INSYN2B: variants seen among roughly 807,000 people sequenced by gnomAD.
The protein encoded by INSYN2B is inhibitory synaptic factor family member 2B.
INSYN2B carries 16 observed loss-of-function variants against 41.2 expected under a neutral mutation model. That is an observed-to-expected ratio of 0.39 (90% CI 0.26 to 0.59). The LOEUF (loss-of-function observed/expected upper bound fraction) is 0.59, where lower values mean the gene tolerates loss of function less well. Ranked by LOEUF, INSYN2B falls within the 20% of genes least tolerant of loss-of-function variation. The probability of loss-of-function intolerance (pLI) is 0.57; values close to 1 mark genes in which losing one functional copy is unlikely to be tolerated. For missense variants in INSYN2B, 608 were observed against 646.4 expected (o/e 0.94, Z 0.64); for synonymous variants, 245 against 244.4 (o/e 1.00, Z -0.02).
intron 1 of INSYN2B, among the ~76,000 whole-genome samples, chr5:169,930,811 C>A (rs889122282): frequency 6.6e-6 from 1 of 152,152 alleles, no homozygotes; most frequent in Non-Finnish European, 1.5e-5. Context: ...CTCTTGGTTT[C>A]TTTTCTTATG....
intron 1 of INSYN2B, among the ~76,000 whole-genome samples, chr5:169,885,584 A>G (rs867097282): frequency 1.3e-5 from 2 of 152,220 alleles, no homozygotes; most frequent in Non-Finnish European, 2.9e-5. Flanking sequence ...CAACTACCTC[A>G]TAATAATAAT....
intron 1 of INSYN2B, among the ~76,000 whole-genome samples, chr5:169,886,470 C>T (rs1021472798): frequency 2.0e-4 from 30 of 152,312 alleles, no homozygotes; most frequent in African/African-American, 7.2e-4. Flanking sequence ...CTGCATCTTC[C>T]TCCTCAGATA....
chr5:169,963,699 G>C (rs769307913), intron 1 of INSYN2B, among the ~76,000 whole-genome samples: 3 of 151,944 alleles, frequency 2.0e-5, no homozygotes, highest in Non-Finnish European at 2.9e-5. Context: ...CCCTTTCTTT[G>C]CCTCAGTTTC....
At chr5:169,974,129 C>T (rs2113770274) in intron 1 of INSYN2B, among the ~76,000 whole-genome samples, 1 of 152,212 alleles carries the variant, frequency 6.6e-6, no homozygotes, top group East Asian at 1.9e-4. Context: ...TAAATGAAAG[C>T]ATTCTGAAGT....
At chr5:169,914,282 A>G (rs1012656247) in intron 1 of INSYN2B, among the ~76,000 whole-genome samples, 1 of 152,146 alleles carries the variant, frequency 6.6e-6, no homozygotes, top group African/African-American at 2.4e-5. Flanking sequence ...ACCTTACCCC[A>G]TTCTTTCTGA....
At chr5:169,924,976 G>T (rs1158295465) in intron 1 of INSYN2B, among the ~76,000 whole-genome samples, 1 of 152,126 alleles carries the variant, frequency 6.6e-6, no homozygotes, top group Non-Finnish European at 1.5e-5. Flanking sequence ...TTCCAATCTT[G>T]TCAACCAGTT....
chr5:169,950,404 C>T (rs1776612077), intron 1 of INSYN2B, among the ~76,000 whole-genome samples: 1 of 152,228 alleles, frequency 6.6e-6, no homozygotes, highest in African/African-American at 2.4e-5. Flanking sequence ...CTCAGCATAA[C>T]AGTCTTTTTG....
chr5:169,880,146 G>A (rs984204237), intron 3 of INSYN2B, among the ~76,000 whole-genome samples: 2 of 152,142 alleles, frequency 1.3e-5, no homozygotes, highest in Admixed American at 1.3e-4. Context: ...GGGCTCTTCC[G>A]GGGCCCTCTT....
chr5:169,897,890 C>T (rs1425761246), intron 1 of INSYN2B, among the ~76,000 whole-genome samples: 1 of 152,198 alleles, frequency 6.6e-6, no homozygotes, highest in East Asian at 1.9e-4. Context: ...GCTTTCCTCC[C>T]TTGAACGCAG....
chr5:169,864,047 C>A lies in INSYN2B; in HGVS notation c.*226G>T, dbSNP rs1357860831. 6.6e-6 allele frequency among the ~76,000 whole-genome samples: 1 copy of A among 152,134 alleles called. No individual in the cohort carries two copies. Among genetic ancestry groups the A allele is most frequent in the Non-Finnish European group, 1.5e-5 (1 of 68,024 alleles). ...ACAGGGAACTTGGCAAGCGGTCACT[C>A]TAGTGTCCGTGAAGCCCTCAGCAAG... On this transcript the variant is annotated 3_prime_UTR_variant, in exon 4 of 4. Transcript: ENST00000377365.
chr5:169,898,349 G>C (rs772412177), intron 1 of INSYN2B, among the ~76,000 whole-genome samples: 3 of 152,174 alleles, frequency 2.0e-5, no homozygotes, highest in Non-Finnish European at 4.4e-5. Flanking sequence ...ACAGCAGCCA[G>C]GTGTACTGTA....
intron 1 of INSYN2B, among the ~76,000 whole-genome samples, chr5:169,914,747 G>A (rs1774783835): frequency 6.6e-6 from 1 of 152,188 alleles, no homozygotes; most frequent in Non-Finnish European, 1.5e-5. Flanking sequence ...TGGTGGGGCA[G>A]GGTCTTTTAG....
rs1269087609 is a variant in INSYN2B, at chr5:169,862,220, G to A, written c.*2053C>T. Among the ~76,000 whole-genome samples the A allele has an allele frequency of 6.6e-6, 1 of 152,220 alleles. No homozygotes were observed. The highest frequency in any genetic ancestry group is 1.5e-5 in the Non-Finnish European group (1 of 68,040). On this transcript the variant is annotated 3_prime_UTR_variant, in exon 4 of 4. Transcript: ENST00000377365. ...ATGTTCTTATCTGTATTCAAGAATG[G>A]ACAAACAGGCCGGGAAATTTAAGCC... is the stretch of plus-strand genomic sequence containing the variant.
chr5:169,937,690 A>G (rs960458432), intron 1 of INSYN2B, among the ~76,000 whole-genome samples: 1 of 152,204 alleles, frequency 6.6e-6, no homozygotes, highest in Non-Finnish European at 1.5e-5. Flanking sequence ...TATTTTGTCT[A>G]TTCTTCTAAA....
At chr5:169,905,794 CT>C (rs1352408301) in intron 1 of INSYN2B, among the ~76,000 whole-genome samples, 4 of 152,178 alleles carry the variant, frequency 2.6e-5, no homozygotes, top group Admixed American at 6.5e-5. Flanking sequence ...GTCCTCTGTC[CT>C]TTTTGGACTT....
chr5:169,962,747 A>G (rs758870281), intron 1 of INSYN2B, among the ~76,000 whole-genome samples: 13 of 152,218 alleles, frequency 8.5e-5, no homozygotes, highest in Admixed American at 6.5e-5. Flanking sequence ...GAAATAGGGC[A>G]TACCATAGGA....
intron 1 of INSYN2B, among the ~76,000 whole-genome samples, chr5:169,926,606 G>A (rs766042759): frequency 3.3e-5 from 5 of 152,184 alleles, no homozygotes; most frequent in Admixed American, 6.5e-5. Context: ...GGACAGAATA[G>A]GGTTTAAGCA....
chr5:169,947,655 C>A (rs1344740581), intron 1 of INSYN2B, among the ~76,000 whole-genome samples: 1 of 152,138 alleles, frequency 6.6e-6, no homozygotes, highest in Non-Finnish European at 1.5e-5. Flanking sequence ...TGAATATCCC[C>A]AAAAATGTAA....
intron 3 of INSYN2B, chr5:169,875,339 A>G: frequency 6.6e-6 from 3 of 456,682 alleles, no homozygotes; most frequent in Non-Finnish European, 1.3e-5. Context: ...GTTCCGATGC[A>G]GATGGTCCAC....
Sources: allele counts gnomAD v4.1 joint callset (sites outside exome capture counted in the v4.1 genomes callset), GRCh38; gene constraint gnomAD v4.1.1; transcripts MANE v1.5; gene names NCBI Gene and HGNC (gene_info 2026-07-23, HGNC 2026-07-21).